Variants in SLCO6A1 observed in about 807,000 individuals in gnomAD.
SLCO6A1 encodes the protein cancer/testis antigen 48.
Under a neutral mutation model 72.7 loss-of-function variants are expected in SLCO6A1, and 65 were observed. The observed-to-expected ratio is 0.89, with a 90% CI of 0.73 to 1.10. The LOEUF (loss-of-function observed/expected upper bound fraction) is 1.10, where lower values mean the gene tolerates loss of function less well. Among genes scored for constraint, SLCO6A1 ranks in the 50% least tolerant of loss-of-function variants. The pLI is 0.00. For synonymous variants in SLCO6A1, 314 were observed against 298.2 expected (o/e 1.05, Z -0.55); for missense variants, 874 against 872.6 (o/e 1.00, Z -0.02).
At chr5:102,376,834 C>A (rs968193015) in intron 12 of SLCO6A1, among the ~76,000 whole-genome samples, 2 of 151,922 alleles carry the variant, frequency 1.3e-5, no homozygotes, top group Admixed American at 1.3e-4. Flanking sequence ...GGGGATTTAC[C>A]CAATAAAACA....
At position 102,498,731 on chromosome 5, in the gene SLCO6A1, G is replaced by T; in HGVS notation, c.114C>A (p.Thr38=). 1 of 1,614,152 alleles carries T rather than the reference G, an allele frequency of 6.2e-7. No individual in the cohort carries two copies. ...TTTTCCCGGGCTTCGAGGACTTCGG[G>T]GTTCCCTTGGCCCTCCTGTCCTTAG... ...QPAKDRRAKG[T]PKSSKPGKKH... is the part of the protein sequence containing the mutation. The change falls in exon 1 of 14, where the codon ACC becomes ACA. Residue 38 remains threonine, a synonymous_variant. Transcript: ENST00000506729.
At chr5:102,472,175 A>T (rs1037544470) in intron 4 of SLCO6A1, among the ~76,000 whole-genome samples, 9 of 152,110 alleles carry the variant, frequency 5.9e-5, no homozygotes, top group African/African-American at 2.2e-4. Flanking sequence ...GATTTTAGAA[A>T]GATGAAGAGT....
Position 102,446,264 on chromosome 5 carries a change from T to C in SLCO6A1, c.1132-7503A>G, listed in dbSNP as rs556729479. 3.9e-5 allele frequency among the ~76,000 whole-genome samples: 6 copies of C among 152,368 alleles called. No homozygotes were observed. In the East Asian group the frequency reaches 7.7e-4, roughly 20 times the overall value. ...GATTTCTTTCAGCAGTGTTTTATAG[T>C]TCTCCTTGTACGGATCTTTGAACAT... On this transcript the variant is annotated intron_variant, in intron 6 of 13. Transcript: ENST00000506729.
At chr5:102,414,852 A>G (rs1248941677) in intron 8 of SLCO6A1, among the ~76,000 whole-genome samples, 2 of 152,084 alleles carry the variant, frequency 1.3e-5, no homozygotes, top group Admixed American at 6.6e-5. Context: ...CTGAGATTGT[A>G]CCACGGCACT....
At chr5:102,427,732 A>C (rs544901655) in intron 7 of SLCO6A1, among the ~76,000 whole-genome samples, 2 of 151,604 alleles carry the variant, frequency 1.3e-5, no homozygotes, top group South Asian at 4.2e-4. Flanking sequence ...ATATTGTATT[A>C]ATTTTGGTTC....
chr5:102,498,405 C>T, intron 1 of SLCO6A1, 82 bp downstream of exon 1: 1 of 1,368,228 alleles, frequency 7.3e-7, no homozygotes, highest in Non-Finnish European at 1.0e-6. Context: ...CCCAGGGCGT[C>T]CTCCGCCATA....
At chr5:102,457,962 G>A (rs1192233991) in intron 6 of SLCO6A1, among the ~76,000 whole-genome samples, 1 of 152,152 alleles carries the variant, frequency 6.6e-6, no homozygotes, top group East Asian at 1.9e-4. Flanking sequence ...GGACATGGAT[G>A]AAGCTGGAAA....
rs186874467 is a variant in SLCO6A1 at position 102,419,315 on chromosome 5, T to C, written c.1472+511A>G. Among the ~76,000 whole-genome samples the C allele has an allele frequency of 9.2e-5, 14 of 152,366 alleles. No homozygotes were observed. The East Asian group carries it at 2.5e-3, about 27-fold the overall frequency. On this transcript the variant is annotated intron_variant, in intron 8 of 13. Transcript: ENST00000506729. ...TAGAAGTCTTAAACTCTTATTTTACTTGTTCAGTCCTTTGGTTTCCAATTC... is the reference window on the plus strand; with the variant it reads ...TAGAAGTCTTAAACTCTTATTTTACCTGTTCAGTCCTTTGGTTTCCAATTC...
rs771082000 is a variant in SLCO6A1, at chr5:102,484,416, G to A, written c.359-3982C>T. Among the ~76,000 whole-genome samples the A allele has an allele frequency of 6.6e-4, 101 of 152,228 alleles. 1 individual carries two copies. Among genetic ancestry groups the A allele is most frequent in the East Asian group, 3.1e-3 (16 of 5,180 alleles). On this transcript the variant is annotated intron_variant, in intron 1 of 13. Transcript: ENST00000506729. ...TGTAATCCCAGCAGTTTGGGAGGCC[G>A]AGATGGGTGGATACCTGAGATCAGG...
chr5:102,437,110 G>A (rs1561460660), intron 7 of SLCO6A1, among the ~76,000 whole-genome samples: 1 of 152,160 alleles, frequency 6.6e-6, no homozygotes, highest in Non-Finnish European at 1.5e-5. Flanking sequence ...CCATCTTTAT[G>A]ATGAGAGTAA....
intron 10 of SLCO6A1, among the ~76,000 whole-genome samples, chr5:102,397,241 G>A (rs1046495098): frequency 6.6e-6 from 1 of 151,954 alleles, no homozygotes; most frequent in African/African-American, 2.4e-5. Flanking sequence ...TTGTCCATAG[G>A]CAGAATCCTT....
chr5:102,463,264 T>TTAG (rs3070623), intron 4 of SLCO6A1, among the ~76,000 whole-genome samples: 98,054 of 151,616 alleles, frequency 0.65, 31,877 homozygotes, highest in African/African-American at 0.66. Flanking sequence ...AAAATAAAAA[T>TTAG]TAGATGTTGG....
Position 102,480,570 on chromosome 5 carries a change from G to A in SLCO6A1, c.359-136C>T, listed in dbSNP as rs114694902. On this transcript the variant is annotated intron_variant, in intron 1 of 13. Transcript: ENST00000506729. ...CTGAATGTTTAAAAGCTATAAGCAA[G>A]TAACAATTCCTTTTCTAAAACATAA... 5.8e-6 allele frequency: 5 copies of A among 863,380 alleles called. No homozygotes were observed. The African/African-American group carries it at 8.5e-5, about 15-fold the overall frequency. 53.5% of individuals were successfully genotyped at this position (863,380 alleles called of 1,614,324 possible).
chr5:102,379,773 C>A (rs114539200), intron 12 of SLCO6A1, among the ~76,000 whole-genome samples: 107 of 140,966 alleles, frequency 7.6e-4, no homozygotes, highest in South Asian at 1.1e-3. Context: ...TTGTCAATTT[C>A]AAAAAAAAAA....
intron 1 of SLCO6A1, among the ~76,000 whole-genome samples, chr5:102,490,269 A>G (rs536256973): frequency 6.6e-6 from 1 of 152,362 alleles, no homozygotes; most frequent in Admixed American, 6.5e-5. Context: ...CCACAAAGGA[A>G]TGATAAATAT....
At chr5:102,455,374 T>C (rs764998426) in intron 6 of SLCO6A1, among the ~76,000 whole-genome samples, 8 of 152,054 alleles carry the variant, frequency 5.3e-5, no homozygotes, top group Non-Finnish European at 1.2e-4. Context: ...AAAATCTGTA[T>C]ATGAGAAATA....
intron 5 of SLCO6A1, 99 bp from the exon 6 acceptor site, chr5:102,458,590 A>C: frequency 1.4e-6 from 1 of 707,862 alleles, no homozygotes; most frequent in East Asian, 2.7e-5. Context: ...ATTAATCCTG[A>C]AATGGCAAAT....
At chr5:102,476,094 A>ATG (rs1241374866) in intron 3 of SLCO6A1, among the ~76,000 whole-genome samples, 8 of 152,090 alleles carry the variant, frequency 5.3e-5, no homozygotes, top group Non-Finnish European at 1.5e-5. Flanking sequence ...AAGACTGCAC[A>ATG]TTGGGTATAG....
chr5:102,386,934 G>A (rs1198352467), intron 12 of SLCO6A1, among the ~76,000 whole-genome samples: 4 of 152,156 alleles, frequency 2.6e-5, no homozygotes, highest in African/African-American at 9.7e-5. Context: ...AGACTTTGGG[G>A]AAGGGTGATG....
Sources: allele counts gnomAD v4.1 joint callset (sites outside exome capture counted in the v4.1 genomes callset), GRCh38; gene constraint gnomAD v4.1.1; transcripts MANE v1.5; gene names NCBI Gene and HGNC (gene_info 2026-07-23, HGNC 2026-07-21).